Variants in EGLN1 observed in about 807,000 individuals in gnomAD.
The protein encoded by EGLN1 is egl-9 family hypoxia inducible factor 1.
In EGLN1, 17 loss-of-function variants were observed where a neutral mutation model predicts 38.3. The ratio of observed to expected loss-of-function variants is 0.44; its 90% CI spans 0.30 to 0.67. The LOEUF is 0.67. EGLN1 is among the 30% of genes least tolerant of loss of function. The pLI is 0.08. For synonymous variants in EGLN1, 283 were observed against 257.5 expected, an observed-to-expected ratio of 1.10 and a Z score of -0.95; for missense variants, 477 against 603.3, an observed-to-expected ratio of 0.79 and a Z score of 2.19.
chr1:231,403,622 T>C (rs565158216), intron 1 of EGLN1, among the ~76,000 whole-genome samples: 1 of 151,728 alleles, frequency 6.6e-6, no homozygotes, highest in African/African-American at 2.4e-5. Context: ...AATACAAAAA[T>C]TAGCCAGGCC....
chr1:231,384,880 G>A (rs568915819), intron 1 of EGLN1, among the ~76,000 whole-genome samples: 17 of 152,300 alleles, frequency 1.1e-4, no homozygotes, highest in Admixed American at 2.0e-4. Flanking sequence ...GACAGAGACC[G>A]TGCAGGCCAC....
Position 231,373,994 on chromosome 1 carries a change from C to T in EGLN1, c.997G>A (p.Asp333Asn). ...AAGTTGCATACCTTGGCATCCCAGT[C>T]TTTATTAAGATAATATATACATGTC... is the stretch of plus-strand genomic sequence containing the variant. The part of the protein sequence containing the change: ...CVTCIYYLNK[D>N]WDAKVSGGIL... The change falls in exon 2 of 5, where the codon GAC (aspartate) becomes AAC (asparagine). Residue 333 changes from aspartate to asparagine, a missense_variant. Physicochemically the swap from Asp to Asn is conservative, Grantham distance 23. Coordinates refer to ENST00000366641, the MANE Select transcript of EGLN1 (RefSeq NM_022051.3). 1 of 1,613,712 alleles carries T rather than the reference C, an allele frequency of 6.2e-7. No individual in the cohort carries two copies. Among genetic ancestry groups the T allele is most frequent in the Non-Finnish European group, 8.5e-7 (1 of 1,179,810 alleles).
At chr1:231,420,663 G>A (rs190419051) in intron 1 of EGLN1, among the ~76,000 whole-genome samples, 1 of 152,220 alleles carries the variant, frequency 6.6e-6, no homozygotes, top group East Asian at 1.9e-4. Context: ...TCACTGGGTG[G>A]CTAAAACGCC....
intron 1 of EGLN1, among the ~76,000 whole-genome samples, chr1:231,398,514 G>A (rs1380651215): frequency 2.0e-5 from 3 of 152,174 alleles, no homozygotes; most frequent in Non-Finnish European, 2.9e-5. Flanking sequence ...TCACACTTAC[G>A]TGGTCACGTA....
chr1:231,380,217 G>A (rs1688049282), intron 1 of EGLN1, among the ~76,000 whole-genome samples: 1 of 149,718 alleles, frequency 6.7e-6, no homozygotes, highest in Non-Finnish European at 1.5e-5. Flanking sequence ...TTTAGAATAA[G>A]AACTCCTTGA....
In EGLN1 at chr1:231,421,255, C is replaced by T. The variant is rs376247953; in HGVS notation, c.634G>A (p.Asp212Asn). The T allele has an allele frequency of 5.6e-6, 9 of 1,613,806 alleles. No homozygotes were observed. The East Asian group carries it at 6.7e-5, about 12-fold the overall frequency. The stretch of plus-strand genomic sequence containing the variant: ...TGTCCGGTCTCCTTGCCGAGGAAGT[C>T]GTCCACCACACAGATGCCGTGCTTG... ...MNKHGICVVD[D>N]FLGKETGQQI... The change falls in exon 1 of 5, where the codon GAC (aspartate) becomes AAC (asparagine). Residue 212 changes from aspartate to asparagine, a missense_variant. Coordinates refer to ENST00000366641, the MANE Select transcript of EGLN1 (RefSeq NM_022051.3). This position sits in a 1 kb window ranked among gnomAD's most constrained non-coding sequence, Gnocchi z 5.5.
chr1:231,387,533 G>C (rs143744826), intron 1 of EGLN1, among the ~76,000 whole-genome samples: 2,250 of 151,762 alleles, frequency 0.015, 71 homozygotes, highest in African/African-American at 0.051. Context: ...CTAATTTTTT[G>C]TATTTTTAGT....
At chr1:231,394,483 A>C (rs1688469547) in intron 1 of EGLN1, among the ~76,000 whole-genome samples, 1 of 148,256 alleles carries the variant, frequency 6.7e-6, no homozygotes. Context: ...GGTTCACGCC[A>C]TTCTCCTGCC....
chr1:231,378,094 G>A (rs1479906596), intron 1 of EGLN1, among the ~76,000 whole-genome samples: 1 of 152,082 alleles, frequency 6.6e-6, no homozygotes, highest in East Asian at 1.9e-4. Flanking sequence ...CTGGTGACAG[G>A]AATACTGAAA....
chr1:231,398,244 G>A (rs1372409399), intron 1 of EGLN1, among the ~76,000 whole-genome samples: 1 of 152,164 alleles, frequency 6.6e-6, no homozygotes, highest in Non-Finnish European at 1.5e-5. Flanking sequence ...TAGAAGGAAT[G>A]GTAATTTAAA....
chr1:231,402,164 T>C (rs936061075), intron 1 of EGLN1, among the ~76,000 whole-genome samples: 105 of 152,276 alleles, frequency 6.9e-4, no homozygotes, highest in Non-Finnish European at 1.4e-3. Context: ...GGGTTGTTTC[T>C]CTTCTTCTTA....
chr1:231,386,991 G>C (rs1245360530), intron 1 of EGLN1, among the ~76,000 whole-genome samples: 1 of 151,572 alleles, frequency 6.6e-6, no homozygotes, highest in South Asian at 2.1e-4. Flanking sequence ...CTCCTGAACA[G>C]CTCTACAGGT....
intron 1 of EGLN1, among the ~76,000 whole-genome samples, chr1:231,420,576 A>G (rs1656546653): frequency 6.6e-6 from 1 of 152,214 alleles, no homozygotes; most frequent in Non-Finnish European, 1.5e-5. Context: ...CAGACACCAT[A>G]GGAAATTTAA....
chr1:231,421,384 G>A lies in EGLN1; in HGVS notation c.505C>T (p.Pro169Ser), dbSNP rs745738740. ...KANLYPPSNT[P>S]GDALSPGGGL... ...CCGCCGGGGCTCAGCGCATCCCCGG[G>A]CGTGTTGCTTGGGGGGTACAGGTTC... The change falls in exon 1 of 5, where the codon CCC becomes TCC. Residue 169 changes from proline to serine, a missense_variant. Physicochemically the swap from Pro to Ser is moderately conservative, Grantham distance 74. Coordinates refer to ENST00000366641, the MANE Select transcript of EGLN1 (RefSeq NM_022051.3). The surrounding 1 kb of genome is among the most constrained non-coding windows in gnomAD (Gnocchi z 5.5). 1.9e-6 allele frequency: 3 copies of A among 1,607,242 alleles called. No homozygotes were observed. Among genetic ancestry groups the A allele is most frequent in the East Asian group, 2.2e-5 (1 of 44,662 alleles).
chr1:231,396,023 C>T (rs1193531322), intron 1 of EGLN1, among the ~76,000 whole-genome samples: 8 of 130,040 alleles, frequency 6.2e-5, no homozygotes, highest in South Asian at 2.7e-4. Flanking sequence ...CCCAAATTAC[C>T]CCACTCCTTT....
At position 231,380,920 on chromosome 1, in the gene EGLN1, G is replaced by GTTA. The variant is rs1298953771; in HGVS notation, c.892-6824_892-6822dup. Among the ~76,000 whole-genome samples the GTTA allele has an allele frequency of 6.6e-5, 10 of 152,014 alleles. No homozygotes were observed. The South Asian group carries it at 2.1e-3, about 32-fold the overall frequency. On this transcript the variant is annotated intron_variant, in intron 1 of 4. Transcript: ENST00000366641. ...ACTGGGTTAATCTTTTCCCTACTGA[G>GTTA]TTATTATTATTATTTTAGAGACAGG...
chr1:231,417,597 G>C (rs1438556526), intron 1 of EGLN1, among the ~76,000 whole-genome samples: 1 of 152,080 alleles, frequency 6.6e-6, no homozygotes, highest in Non-Finnish European at 1.5e-5. Flanking sequence ...CAAGGACATA[G>C]GATCAAAGGG....
At position 231,374,083 on chromosome 1, in the gene EGLN1, T is replaced by A; in HGVS notation, c.908A>T (p.Tyr303Phe). 6.2e-7 allele frequency: 1 copy of A among 1,613,664 alleles called. No homozygotes were observed. Among genetic ancestry groups the A allele is most frequent in the African/African-American group, 1.3e-5 (1 of 75,022 alleles). Residue 303 changes from tyrosine (Y) to phenylalanine (F), a missense_variant, in exon 2 of 5, where the codon TAT (tyrosine) becomes TTT (phenylalanine). Coordinates refer to ENST00000366641, the MANE Select transcript of EGLN1 (RefSeq NM_022051.3). ...TACATAACCCGTTCCATTGCCCGGA[T>A]AACAAGCAACCATGGCCTGTAATAA... ...NGRTKAMVAC[Y>F]PGNGTGYVRH...
Position 231,422,010 on chromosome 1 carries a change from C to A in EGLN1, c.-122G>T. ...AGGGGCCGTTACTGCGCCATGCACCCGCTACCCTCGCCTCAGGGAGGCCGG... is the reference window on the plus strand; with the variant it reads ...AGGGGCCGTTACTGCGCCATGCACCAGCTACCCTCGCCTCAGGGAGGCCGG... On this transcript the variant is annotated 5_prime_UTR_variant, in exon 1 of 5. Transcript: ENST00000366641. 9.1e-7 allele frequency: 1 copy of A among 1,095,434 alleles called. No homozygotes were observed. Among genetic ancestry groups the A allele is most frequent in the South Asian group, 2.6e-5 (1 of 38,216 alleles). 67.9% of individuals were successfully genotyped at this position (1,095,434 alleles called of 1,614,324 possible). A position where few individuals can be genotyped will look rare whatever the true frequency, so the allele number is the denominator to read the frequency against.
Sources: gnomAD v4.1 joint callset for allele counts (sites outside exome capture counted in the v4.1 genomes callset) on GRCh38, gnomAD v4.1.1 for gene constraint, Gnocchi (gnomAD v3.1) non-coding constraint, MANE v1.5 for transcripts, NCBI Gene and HGNC (gene_info 2026-07-23, HGNC 2026-07-21) for gene names.